The following EPHX2 variants were observed in gnomAD, a reference collection of about 807,000 sequenced individuals.
The protein encoded by EPHX2 is epoxide hydrolase 2, also known as bifunctional epoxide hydrolase 2.
Under a neutral mutation model 78.7 loss-of-function variants are expected in EPHX2, and 74 were observed. The ratio of observed to expected loss-of-function variants is 0.94; its 90% CI spans 0.78 to 1.14. The LOEUF (loss-of-function observed/expected upper bound fraction) is 1.14, where lower values mean the gene tolerates loss of function less well. Among genes scored for constraint, EPHX2 ranks in the 50% most tolerant of loss-of-function variants. EPHX2 has a pLI of 0.00. For synonymous variants in EPHX2, 251 were observed against 255.2 expected (o/e 0.98, Z 0.16); for missense variants, 715 against 702.5 (o/e 1.02, Z -0.20).
At chr8:27,501,252 A>T (rs929525936) in intron 2 of EPHX2, among the ~76,000 whole-genome samples, 6 of 152,098 alleles carry the variant, frequency 3.9e-5, no homozygotes, top group African/African-American at 1.4e-4. Flanking sequence ...TGAATTATTG[A>T]CTTTTTATTT....
intron 6 of EPHX2, among the ~76,000 whole-genome samples, chr8:27,512,612 C>T (rs138814487): frequency 1.4e-4 from 21 of 152,310 alleles, no homozygotes; most frequent in African/African-American, 3.6e-4. Flanking sequence ...GGGTTTAGTA[C>T]GTCCTCATGG....
chr8:27,515,142 C>G (rs868407207), intron 6 of EPHX2, among the ~76,000 whole-genome samples: 6 of 152,240 alleles, frequency 3.9e-5, no homozygotes, highest in African/African-American at 1.4e-4. Context: ...AACAGCGAGG[C>G]GGGAAGTGCT....
chr8:27,516,547 C>T lies in EPHX2; in HGVS notation c.910+149C>T, dbSNP rs74983122. The stretch of plus-strand genomic sequence containing the variant: ...TCACCTCTTTCCTCTCCTACGGTGC[C>T]CTGTGTCTCTGCACTTTGGGCCTCA... On this transcript the variant is annotated intron_variant, in intron 8 of 18. Coordinates refer to ENST00000521400, the MANE Select transcript of EPHX2 (RefSeq NM_001979.6). 2,038 of 724,576 alleles carry T rather than the reference C, an allele frequency of 2.8e-3. 42 individuals carry two copies. The East Asian group carries it at 0.049, about 17-fold the overall frequency. The allele number at this position is 724,576 out of a possible 1,614,324, so 44.9% of individuals were successfully genotyped here. A position where few individuals can be genotyped will look rare whatever the true frequency, so the allele number is the denominator to read the frequency against.
At chr8:27,505,187 G>A (rs1288374601) in intron 4 of EPHX2, 41 bp downstream of exon 4, 5 of 1,603,322 alleles carry the variant, frequency 3.1e-6, no homozygotes, top group Non-Finnish European at 4.3e-6. Context: ...GATGTTCAGA[G>A]ATATTGCAAC....
chr8:27,517,101 G>A lies in EPHX2; in HGVS notation c.910+703G>A, dbSNP rs1814485056. ...CACCTGGCTAATTTTTGTATTTTTA[G>A]TAGAGACCCACTTTGCTGGATACAT... On this transcript the variant is annotated intron_variant, in intron 8 of 18. Coordinates refer to ENST00000521400, the MANE Select transcript of EPHX2 (RefSeq NM_001979.6). Among the ~76,000 whole-genome samples the A allele has an allele frequency of 2.0e-5, 3 of 152,018 alleles. No individual in the cohort carries two copies. In the South Asian group the frequency reaches 6.2e-4, roughly 32 times the overall value.
Position 27,544,526 on chromosome 8 carries a change from G to A in EPHX2, c.*4G>A, listed in dbSNP as rs201671681. ...ACCGGTGGTCTCAAAGATGTAGAAC[G>A]CAGCGTGTGCCCACGCTCAGCAGGT... On this transcript the variant is annotated 3_prime_UTR_variant, in exon 19 of 19. Transcript: ENST00000521400. 94 of 1,613,210 alleles carry A rather than the reference G, an allele frequency of 5.8e-5. No individual in the cohort carries two copies. Among genetic ancestry groups the A allele is most frequent in the Admixed American group, 1.3e-4 (8 of 59,996 alleles).
intron 5 of EPHX2, among the ~76,000 whole-genome samples, chr8:27,508,055 C>A (rs979382507): frequency 6.6e-6 from 1 of 152,162 alleles, no homozygotes; most frequent in Non-Finnish European, 1.5e-5. Flanking sequence ...AATCACAGCC[C>A]TTTGGGAGGC....
chr8:27,504,206 G>A (rs59822261), intron 3 of EPHX2, among the ~76,000 whole-genome samples: 63 of 152,288 alleles, frequency 4.1e-4, no homozygotes, highest in African/African-American at 1.4e-3. Context: ...ATCCATAGGC[G>A]TTGACTTGGT....
At chr8:27,494,194 C>T (rs774205983) in intron 1 of EPHX2, among the ~76,000 whole-genome samples, 12 of 152,290 alleles carry the variant, frequency 7.9e-5, no homozygotes, top group Middle Eastern at 3.4e-3. Flanking sequence ...GGTGTAATTA[C>T]ACTGATGGGA....
At chr8:27,514,065 C>T (rs1007849912) in intron 6 of EPHX2, among the ~76,000 whole-genome samples, 3 of 152,130 alleles carry the variant, frequency 2.0e-5, no homozygotes, top group African/African-American at 4.8e-5. Flanking sequence ...TGCCTGTAAT[C>T]CCAGCACTTT....
intron 11 of EPHX2, among the ~76,000 whole-genome samples, chr8:27,523,817 A>G (rs1814732195): frequency 6.6e-6 from 1 of 152,128 alleles, no homozygotes; most frequent in Non-Finnish European, 1.5e-5. Flanking sequence ...GATTCTTAAG[A>G]ACTGGGTTCA....
At chr8:27,505,283 TCTC>T in intron 4 of EPHX2, 137 bp downstream of exon 4, 1 of 823,302 alleles carries the variant, frequency 1.2e-6, no homozygotes, top group Non-Finnish European at 1.9e-6. Context: ...GACCACGTCT[TCTC>T]CTAGAAGACT....
intron 5 of EPHX2, among the ~76,000 whole-genome samples, chr8:27,507,639 A>G (rs17057280): frequency 0.086 from 13,125 of 152,290 alleles, 579 homozygotes; most frequent in Non-Finnish European, 0.11. Context: ...AGGCTGCCAC[A>G]TGTCCAAGGA....
intron 1 of EPHX2, among the ~76,000 whole-genome samples, chr8:27,496,555 G>A (rs918442251): frequency 6.6e-6 from 1 of 152,138 alleles, no homozygotes; most frequent in African/African-American, 2.4e-5. Context: ...GGGTATAGCT[G>A]GATATAGAGG....
At chr8:27,537,353 C>A (rs1442862884) in intron 13 of EPHX2, among the ~76,000 whole-genome samples, 1 of 152,174 alleles carries the variant, frequency 6.6e-6, no homozygotes, top group Non-Finnish European at 1.5e-5. Context: ...TGAAACATCC[C>A]CTTTAGTAGT....
chr8:27,542,598 G>T (rs182135195), intron 16 of EPHX2, among the ~76,000 whole-genome samples: 1 of 152,146 alleles, frequency 6.6e-6, no homozygotes, highest in Admixed American at 6.5e-5. Context: ...TGACAAAGGC[G>T]CTGGGAAGGT....
chr8:27,546,025 C>T (rs1356351176), downstream of EPHX2, among the ~76,000 whole-genome samples: 1 of 151,078 alleles, frequency 6.6e-6, no homozygotes, highest in Non-Finnish European at 1.5e-5. Context: ...AGCCTGGATT[C>T]AGAAGCAGGC....
chr8:27,524,367 A>C (rs1814752053), intron 11 of EPHX2, among the ~76,000 whole-genome samples: 1 of 150,344 alleles, frequency 6.7e-6, no homozygotes, highest in Non-Finnish European at 1.5e-5. Flanking sequence ...AATCTTCCTG[A>C]CCTCTCTCTC....
chr8:27,537,207 G>T (rs6558005), intron 13 of EPHX2, among the ~76,000 whole-genome samples: 1 of 152,004 alleles, frequency 6.6e-6, no homozygotes, highest in Admixed American at 6.6e-5. Flanking sequence ...TCCTGTCTTA[G>T]GTGTTAGGAG....
Sources: allele counts gnomAD v4.1 joint callset (sites outside exome capture counted in the v4.1 genomes callset), GRCh38; gene constraint gnomAD v4.1.1; transcripts MANE v1.5; gene names NCBI Gene and HGNC (gene_info 2026-07-23, HGNC 2026-07-21).